Variants in TRDMT1 observed in about 807,000 individuals in gnomAD.
The protein encoded by TRDMT1 is tRNA (cytosine(38)-C(5))-methyltransferase.
In TRDMT1, 49 loss-of-function variants were observed where a neutral mutation model predicts 51.2. The observed-to-expected ratio is 0.96, with a 90% CI of 0.76 to 1.21. The LOEUF is 1.21. Among genes scored for constraint, TRDMT1 ranks in the 50% most tolerant of loss-of-function variants. TRDMT1 has a pLI of 0.00. For synonymous variants in TRDMT1, 187 were observed against 164.6 expected, an observed-to-expected ratio of 1.14 and a Z score of -1.04; for missense variants, 534 against 462.3, an observed-to-expected ratio of 1.16 and a Z score of -1.42.
At chr10:17,160,510 T>G (rs945561966) in intron 5 of TRDMT1, 136 bp from the exon 6 acceptor site, 25 of 469,866 alleles carry the variant, frequency 5.3e-5, no homozygotes, top group Admixed American at 2.7e-4. Flanking sequence ...CTCACTCTGT[T>G]GCCCAGGCTG....
In TRDMT1 at chr10:17,159,196, G is replaced by A. The variant is rs767569145; in HGVS notation, c.493C>T (p.Leu165Phe). The A allele has an allele frequency of 2.5e-6, 4 of 1,603,098 alleles. No individual in the cohort carries two copies. The highest frequency in any genetic ancestry group is 3.4e-6 in the Non-Finnish European group (4 of 1,174,294). ...GGCTCTGACTGAAGCTTTGCAATAA[G>A]AAAATATCGTAGCCTTGAATTTGGA... is the stretch of plus-strand genomic sequence containing the variant. ...GIPNSRLRYF[L>F]IAKLQSEPLP... is the part of the protein sequence containing the mutation. The change falls in exon 7 of 11, where the codon CTT becomes TTT. Residue 165 changes from leucine (L) to phenylalanine (F), a missense_variant. Leu to Phe is a conservative substitution (Grantham distance 22). Coordinates refer to ENST00000377799, the MANE Select transcript of TRDMT1 (RefSeq NM_004412.7).
intron 1 of TRDMT1, among the ~76,000 whole-genome samples, chr10:17,178,009 T>G (rs1842826008): frequency 6.6e-6 from 1 of 152,220 alleles, no homozygotes; most frequent in Non-Finnish European, 1.5e-5. Flanking sequence ...TAATGCAGTT[T>G]GAAGTTTTGA....
intron 6 of TRDMT1, 59 bp from the exon 7 acceptor site, chr10:17,159,288 T>TTAGC (rs1839982639): frequency 7.9e-7 from 1 of 1,263,702 alleles, no homozygotes; most frequent in Non-Finnish European, 1.1e-6. Flanking sequence ...GGTACCAACT[T>TTAGC]TAGCACCAAG....
chr10:17,140,037 C>CTT lies in TRDMT1; in HGVS notation c.*9001_*9002dup, dbSNP rs758336473. The stretch of plus-strand genomic sequence containing the variant: ...TATTCTTCCAGTAACATCTAGTGTG[C>CTT]TTTTTTTTTTTTTTTTTTTTTTTTT... On this transcript the variant is annotated 3_prime_UTR_variant, in exon 11 of 11. Coordinates refer to ENST00000377799, the MANE Select transcript of TRDMT1 (RefSeq NM_004412.7). 2.6e-3 allele frequency among the ~76,000 whole-genome samples: 58 copies of CTT among 21,918 alleles called. 20 individuals carry two copies. The highest frequency in any genetic ancestry group is 3.8e-3 in the Non-Finnish European group (45 of 11,712). The allele number at this position is 21,918 out of a possible 152,430, so 14.4% of individuals were successfully genotyped here.
chr10:17,192,136 T>C (rs1316868358), intron 1 of TRDMT1, among the ~76,000 whole-genome samples: 1 of 151,796 alleles, frequency 6.6e-6, no homozygotes, highest in Non-Finnish European at 1.5e-5. Context: ...AAGGTGAAAA[T>C]GGAGAGAAAT....
chr10:17,166,249 T>G (rs1184310404), intron 3 of TRDMT1, among the ~76,000 whole-genome samples: 1 of 151,618 alleles, frequency 6.6e-6, no homozygotes, highest in African/African-American at 2.4e-5. Context: ...AAACCATCAT[T>G]CTCAGCAAAC....
rs78140109 is a variant in TRDMT1, at chr10:17,173,603, G to A, written c.174+948C>T. On this transcript the variant is annotated intron_variant, in intron 2 of 10. Transcript: ENST00000377799. ...GCATGATGGAAGTGTTCTAAGTCTT[G>A]ATTGTGGTGGTAGTAGTTACACAGT... Among the ~76,000 whole-genome samples, 8 of 152,248 alleles carry A rather than the reference G, an allele frequency of 5.3e-5. No homozygotes were observed. In the East Asian group the frequency reaches 7.7e-4, roughly 15 times the overall value.
chr10:17,142,692 G>C lies in TRDMT1; in HGVS notation c.*6348C>G, dbSNP rs1335115719. ...CAGACTTCAGTTCCCTCTTCTGTAG[G>C]AACGAGCCTCTCTGGGCTGTCTTCT... is the stretch of plus-strand genomic sequence containing the variant. On this transcript the variant is annotated 3_prime_UTR_variant, in exon 11 of 11. Coordinates refer to ENST00000377799, the MANE Select transcript of TRDMT1 (RefSeq NM_004412.7). The C allele has an allele frequency of 6.6e-6, 1 of 152,356 alleles. No homozygotes were observed. The highest frequency in any genetic ancestry group is 2.4e-5 in the African/African-American group (1 of 41,428). The allele number at this position is 152,356 out of a possible 1,614,324, so 9.4% of individuals were successfully genotyped here. A position where few individuals can be genotyped will look rare whatever the true frequency, so the allele number is the denominator to read the frequency against.
rs1030390615 is a variant in TRDMT1 at position 17,148,420 on chromosome 10, A to G, written c.*620T>C. 5.1e-6 allele frequency: 5 copies of G among 985,468 alleles called. No homozygotes were observed. Among genetic ancestry groups the G allele is most frequent in the Middle Eastern group, 5.2e-4 (1 of 1,914 alleles). 61.0% of individuals were successfully genotyped at this position (985,468 alleles called of 1,614,324 possible). ...TTTGTCCTTCAGATAGAGGCTGAGGAAAATGTAGATAATGTGCACCAACAG... is the reference window on the plus strand; with the variant it reads ...TTTGTCCTTCAGATAGAGGCTGAGGGAAATGTAGATAATGTGCACCAACAG... On this transcript the variant is annotated 3_prime_UTR_variant, in exon 11 of 11. Coordinates refer to ENST00000377799, the MANE Select transcript of TRDMT1 (RefSeq NM_004412.7).
In TRDMT1 at chr10:17,160,331, G is replaced by T; in HGVS notation, c.433C>A (p.Gln145Lys). 3 of 1,568,992 alleles carry T rather than the reference G, an allele frequency of 1.9e-6. No individual in the cohort carries two copies. Among genetic ancestry groups the T allele is most frequent in the Non-Finnish European group, 8.6e-7 (1 of 1,159,068 alleles). ...QTIENCGFQY[Q>K]EFLLSPTSLG... is the part of the protein sequence containing the mutation. Reference sequence around the variant, plus strand: ...GAGGTTGGAGATAATAGAAACTCTTGGTACTGAAAGCCACAATTTTCTATT... The same window carrying T: ...GAGGTTGGAGATAATAGAAACTCTTTGTACTGAAAGCCACAATTTTCTATT... The change falls in exon 6 of 11, where the codon CAA (glutamine) becomes AAA (lysine). Residue 145 changes from glutamine to lysine, a missense_variant. Coordinates refer to ENST00000377799, the MANE Select transcript of TRDMT1 (RefSeq NM_004412.7).
At chr10:17,189,959 G>A (rs1564339519) in intron 1 of TRDMT1, among the ~76,000 whole-genome samples, 1 of 152,096 alleles carries the variant, frequency 6.6e-6, no homozygotes, top group Non-Finnish European at 1.5e-5. Flanking sequence ...GGATGCACAA[G>A]AACTATTTAA....
intron 9 of TRDMT1, among the ~76,000 whole-genome samples, chr10:17,154,276 TA>T (rs1839196488): frequency 6.6e-6 from 1 of 152,166 alleles, no homozygotes; most frequent in African/African-American, 2.4e-5. Context: ...GAAGTATTCA[TA>T]AAGCACATTG....
At chr10:17,172,709 G>A (rs1842181129) in intron 2 of TRDMT1, among the ~76,000 whole-genome samples, 1 of 152,118 alleles carries the variant, frequency 6.6e-6, no homozygotes, top group Admixed American at 6.5e-5. Context: ...TAGGTATATA[G>A]ATAAATATAA....
intron 2 of TRDMT1, 83 bp downstream of exon 2, chr10:17,174,468 G>T: frequency 1.1e-6 from 1 of 891,810 alleles, no homozygotes. Flanking sequence ...TTCCAATTAA[G>T]ACAACGGAAA....
At chr10:17,162,263 C>CAAA in intron 3 of TRDMT1, 26 bp from the exon 4 acceptor site, 1 of 967,422 alleles carries the variant, frequency 1.0e-6, no homozygotes, top group Non-Finnish European at 1.4e-6. Context: ...AAAAAAAAAA[C>CAAA]AAAAAAAAAC....
intron 1 of TRDMT1, among the ~76,000 whole-genome samples, chr10:17,193,207 T>C (rs1034765758): frequency 3.9e-5 from 6 of 151,936 alleles, no homozygotes; most frequent in East Asian, 1.9e-4. Flanking sequence ...CTACTAAAAA[T>C]ACAAAATTAG....
intron 7 of TRDMT1, 76 bp from the exon 8 acceptor site, chr10:17,157,860 A>C (rs1839780406): frequency 8.3e-7 from 1 of 1,201,498 alleles, no homozygotes; most frequent in Admixed American, 2.8e-5. Flanking sequence ...TCCAGTCAAC[A>C]TTACGAAAAC....
intron 1 of TRDMT1, among the ~76,000 whole-genome samples, chr10:17,196,786 G>A (rs189038413): frequency 6.1e-4 from 93 of 152,286 alleles, no homozygotes; most frequent in African/African-American, 2.1e-3. Flanking sequence ...GTGGTATCTA[G>A]TGTCTACCAA....
rs1425269541 is a variant in TRDMT1 at position 17,141,146 on chromosome 10, T to G, written c.*7894A>C. On this transcript the variant is annotated 3_prime_UTR_variant, in exon 11 of 11. Coordinates refer to ENST00000377799, the MANE Select transcript of TRDMT1 (RefSeq NM_004412.7). ...CCCGCCCCATGGCAACGTGTCATTT[T>G]TCTCCAGCTGCTTTTATTTATTTAT... Among the ~76,000 whole-genome samples, 1 of 152,220 alleles carries G rather than the reference T, an allele frequency of 6.6e-6. No individual in the cohort carries two copies. Among genetic ancestry groups the G allele is most frequent in the Non-Finnish European group, 1.5e-5 (1 of 68,036 alleles).
Sources: gnomAD v4.1 joint callset for allele counts (sites outside exome capture counted in the v4.1 genomes callset) on GRCh38, gnomAD v4.1.1 for gene constraint, MANE v1.5 for transcripts, NCBI Gene and HGNC (gene_info 2026-07-23, HGNC 2026-07-21) for gene names.